The following TRMT11 variants were observed in gnomAD, a reference collection of about 807,000 sequenced individuals.
TRMT11 encodes tRNA methyltransferase 11, also known as tRNA (guanine(10)-N(2))-methyltransferase TRMT11.
A neutral mutation model predicts 62.8 loss-of-function variants in TRMT11; 53 were observed. The ratio of observed to expected loss-of-function variants is 0.84; its 90% CI spans 0.68 to 1.06. The LOEUF (loss-of-function observed/expected upper bound fraction) is 1.06. TRMT11 is among the 50% of genes least tolerant of loss of function. TRMT11 has a pLI of 0.00. For missense variants in TRMT11, 556 were observed against 553.4 expected (o/e 1.00, Z -0.05); for synonymous variants, 188 against 190.3 (o/e 0.99, Z 0.10).
At chr6:125,995,835 T>G in intron 2 of TRMT11, 132 bp from the exon 3 acceptor site, 1 of 632,340 alleles carries the variant, frequency 1.6e-6, no homozygotes, top group Non-Finnish European at 2.8e-6. Flanking sequence ...ATTTTTATTT[T>G]GGTTACAGTC....
chr6:126,061,148 A>G (rs1776524347), intron 17 of TRMT11, among the ~76,000 whole-genome samples: 2 of 152,240 alleles, frequency 1.3e-5, no homozygotes. Flanking sequence ...AGTGTTGGCT[A>G]TGGACCAGCA....
At chr6:126,151,728 C>T (rs1448665204) in intron 21 of TRMT11, among the ~76,000 whole-genome samples, 1 of 151,510 alleles carries the variant, frequency 6.6e-6, no homozygotes, top group Non-Finnish European at 1.5e-5. Context: ...CCTTCCCTCC[C>T]TCCCTTCCAT....
intron 11 of TRMT11, 103 bp from the exon 12 acceptor site, chr6:126,021,057 A>G: frequency 7.6e-7 from 1 of 1,318,832 alleles, no homozygotes. Context: ...GGGGAAAAAG[A>G]GCATGTAGTG....
the TRMT11 span, chr6:126,258,309 C>T: frequency 2.3e-6 from 1 of 436,184 alleles, no homozygotes; most frequent in Non-Finnish European, 4.4e-6. Flanking sequence ...CCACCACTGC[C>T]CCGCCCTGGG....
chr6:126,192,955 G>C lies in TRMT11; in HGVS notation n.144-5844G>C, dbSNP rs144165334. ...AATGCATGCCTTGTAGAATGTGTTT[G>C]TGAGTATTCCCTCCTCTTCAACTTT... On this transcript the variant is annotated intron_variant and non_coding_transcript_variant, in intron 1 of 3. Transcript: ENST00000444229. 9.9e-3 allele frequency among the ~76,000 whole-genome samples: 1,511 copies of C among 152,288 alleles called. 22 individuals carry two copies. Among genetic ancestry groups the C allele is most frequent in the South Asian group, 0.04 (192 of 4,832 alleles).
At chr6:126,177,087 A>G (rs576292093), upstream of TRMT11, 1 of 152,216 alleles carries the variant, frequency 6.6e-6, no homozygotes, top group Non-Finnish European at 1.5e-5. Flanking sequence ...ATGTAGGAAC[A>G]AAGTCATTGT....
intron 21 of TRMT11, among the ~76,000 whole-genome samples, chr6:126,135,877 G>A (rs756403709): frequency 1.3e-4 from 20 of 151,736 alleles, no homozygotes; most frequent in Non-Finnish European, 2.2e-4. Flanking sequence ...CAGAATCAAG[G>A]ACAAAATCCA....
the TRMT11 span, among the ~76,000 whole-genome samples, chr6:126,259,822 A>G: frequency 1.3e-5 from 2 of 152,180 alleles, no homozygotes; most frequent in Non-Finnish European, 2.9e-5. Flanking sequence ...ATTAAAGAAT[A>G]ACCTTTGCCT....
chr6:126,216,007 T>C, the TRMT11 span, among the ~76,000 whole-genome samples: 2 of 152,218 alleles, frequency 1.3e-5, no homozygotes, highest in African/African-American at 4.8e-5. Flanking sequence ...AAGACATGAG[T>C]AGTTTATACA....
intron 21 of TRMT11, among the ~76,000 whole-genome samples, chr6:126,141,419 T>C (rs537793081): frequency 1.3e-5 from 2 of 152,294 alleles, no homozygotes; most frequent in African/African-American, 4.8e-5. Flanking sequence ...AATGATTTTG[T>C]TGTCTTACTG....
At chr6:126,137,096 C>T (rs1172893210) in intron 21 of TRMT11, among the ~76,000 whole-genome samples, 1 of 151,624 alleles carries the variant, frequency 6.6e-6, no homozygotes, top group Non-Finnish European at 1.5e-5. Flanking sequence ...TTGGATAAGA[C>T]TTCAAAAGCA....
chr6:126,071,922 T>A (rs918358540), intron 17 of TRMT11, among the ~76,000 whole-genome samples: 2 of 152,102 alleles, frequency 1.3e-5, no homozygotes, highest in African/African-American at 4.8e-5. Context: ...AGTTAGTAGG[T>A]CTTGGATGGA....
chr6:126,237,501 G>A, the TRMT11 span, among the ~76,000 whole-genome samples: 8 of 151,966 alleles, frequency 5.3e-5, no homozygotes, highest in South Asian at 2.1e-4. Context: ...GCAACATGGC[G>A]AAACCTTGTC....
the TRMT11 span, among the ~76,000 whole-genome samples, chr6:126,265,730 G>A: frequency 6.6e-6 from 1 of 152,096 alleles, no homozygotes; most frequent in Non-Finnish European, 1.5e-5. Flanking sequence ...ATTAACACAT[G>A]TACAATGATT....
chr6:126,262,619 C>T, the TRMT11 span, among the ~76,000 whole-genome samples: 1 of 152,168 alleles, frequency 6.6e-6, no homozygotes, highest in Non-Finnish European at 1.5e-5. Context: ...CAGCAGTGTA[C>T]TTGTGTGAAA....
the TRMT11 span, among the ~76,000 whole-genome samples, chr6:126,241,287 C>T: frequency 6.6e-6 from 1 of 152,184 alleles, no homozygotes; most frequent in Non-Finnish European, 1.5e-5. Flanking sequence ...CTGTGTCGCT[C>T]ACGCTGGGAG....
the TRMT11 span, chr6:126,257,992 C>T: frequency 4.2e-5 from 65 of 1,546,632 alleles, no homozygotes; most frequent in South Asian, 4.8e-4. Flanking sequence ...ATGAAGGCCT[C>T]GGTGGGTTTG....
At chr6:126,241,025 C>T in the TRMT11 span, among the ~76,000 whole-genome samples, 1 of 152,252 alleles carries the variant, frequency 6.6e-6, no homozygotes, top group African/African-American at 2.4e-5. Flanking sequence ...AGGATATAAT[C>T]TCCTGGTGTG....
Position 125,999,445 on chromosome 6 carries a change from T to G in TRMT11, c.523-12T>G, listed in dbSNP as rs1792119579. The G allele has an allele frequency of 2.5e-6, 4 of 1,582,100 alleles. No homozygotes were observed. The highest frequency in any genetic ancestry group is 3.4e-6 in the Non-Finnish European group (4 of 1,163,924). On this transcript the variant is annotated splice_polypyrimidine_tract_variant and intron_variant, in intron 6 of 12. Transcript: ENST00000334379. ...TATGGCTATACTAACATAAGAAATA[T>G]CTCTGATTTAGATTGCAGATGGACA... is the stretch of plus-strand genomic sequence containing the variant.
Sources: allele counts gnomAD v4.1 joint callset (sites outside exome capture counted in the v4.1 genomes callset), GRCh38; gene constraint gnomAD v4.1.1; transcripts MANE v1.5; gene names NCBI Gene and HGNC (gene_info 2026-07-23, HGNC 2026-07-21).